The following MGRN1 variants were observed in gnomAD, a reference collection of about 807,000 sequenced individuals.
MGRN1 encodes the protein mahogunin ring finger 1.
MGRN1 carries 29 observed loss-of-function variants against 69.2 expected under a neutral mutation model. The ratio of observed to expected loss-of-function variants is 0.42; its 90% confidence interval spans 0.31 to 0.57. The LOEUF is 0.57. Ranked by LOEUF, MGRN1 falls within the 20% of genes least tolerant of loss-of-function variation. MGRN1 has a pLI of 0.15. For missense variants in MGRN1, 998 were observed against 796.2 expected, an observed-to-expected ratio of 1.25 and a Z score of -3.05; for synonymous variants, 470 against 344.2, an observed-to-expected ratio of 1.37 and a Z score of -4.04.
chr16:4,673,754 TGGCTA>T (rs1490568558), intron 10 of MGRN1, 97 bp downstream of exon 10: 1 of 1,430,884 alleles, frequency 7.0e-7, no homozygotes, highest in African/African-American at 1.4e-5. Context: ...GGTCCGTTGA[TGGCTA>T]AGAAAGAAGA....
chr16:4,672,903 A>G (rs541772987), intron 9 of MGRN1, among the ~76,000 whole-genome samples: 17 of 152,244 alleles, frequency 1.1e-4, no homozygotes, highest in African/African-American at 3.6e-4. Flanking sequence ...AGTGGCAGCC[A>G]TCTTGGCCCA....
At chr16:4,636,773 C>T (rs1025588283) in intron 1 of MGRN1, among the ~76,000 whole-genome samples, 2 of 151,972 alleles carry the variant, frequency 1.3e-5, no homozygotes, top group African/African-American at 4.8e-5. Flanking sequence ...GCGAATTGGC[C>T]ATCTGTTTCT....
At chr16:4,663,628 C>G (rs1226372546) in intron 5 of MGRN1, among the ~76,000 whole-genome samples, 1 of 152,204 alleles carries the variant, frequency 6.6e-6, no homozygotes, top group Admixed American at 6.5e-5. Context: ...TCCCTGCCCT[C>G]TATGGAGGGA....
intron 6 of MGRN1, 82 bp downstream of exon 6, chr16:4,664,857 A>G (rs367721025): frequency 6.4e-7 from 1 of 1,556,994 alleles, no homozygotes. Context: ...TGCTTGCAGC[A>G]GTGATGAAGC....
At chr16:4,658,249 T>A (rs577177019) in intron 5 of MGRN1, among the ~76,000 whole-genome samples, 18 of 151,066 alleles carry the variant, frequency 1.2e-4, no homozygotes, top group African/African-American at 4.1e-4. Flanking sequence ...GTACAGACCT[T>A]GTGTGGCCGG....
At chr16:4,671,501 C>G (rs1486763364) in intron 9 of MGRN1, 42 bp downstream of exon 9, 1 of 1,594,060 alleles carries the variant, frequency 6.3e-7, no homozygotes, top group African/African-American at 1.3e-5. Flanking sequence ...TTACAGAAGC[C>G]CACACCAGGA....
chr16:4,687,388 T>TA, intron 16 of MGRN1: 4 of 920,798 alleles, frequency 4.3e-6, no homozygotes, highest in Non-Finnish European at 5.2e-6. Flanking sequence ...CTATGAAAAA[T>TA]AAAAAATTGG....
At chr16:4,625,679 A>C (rs987830322) in intron 1 of MGRN1, among the ~76,000 whole-genome samples, 1 of 152,216 alleles carries the variant, frequency 6.6e-6, no homozygotes, top group Non-Finnish European at 1.5e-5. Context: ...AGTGACTGCC[A>C]AGATCTCAGC....
chr16:4,646,914 C>G (rs2078286503), intron 1 of MGRN1, among the ~76,000 whole-genome samples: 1 of 152,046 alleles, frequency 6.6e-6, no homozygotes, highest in African/African-American at 2.4e-5. Flanking sequence ...AGTGCCTCGG[C>G]CTGGAAGGCC....
At chr16:4,632,447 G>A (rs771040378) in intron 1 of MGRN1, among the ~76,000 whole-genome samples, 5 of 151,924 alleles carry the variant, frequency 3.3e-5, no homozygotes, top group African/African-American at 7.3e-5. Context: ...AGGCTGGAGT[G>A]CAGTGGCGCA....
rs1004621537 is a variant in MGRN1, at chr16:4,652,384, C to T, written c.297-294C>T. ...GGCCCCCCCACAGACAGGAATGACC[C>T]AGCACCAGATTTCAGCAGGTTCAGA... On this transcript the variant is annotated intron_variant, in intron 3 of 16. Transcript: ENST00000262370. Among the ~76,000 whole-genome samples, 5 of 152,038 alleles carry T rather than the reference C, an allele frequency of 3.3e-5. No homozygotes were observed. In the East Asian group the frequency reaches 7.7e-4, roughly 23 times the overall value.
chr16:4,667,215 C>A (rs562551209), intron 7 of MGRN1, among the ~76,000 whole-genome samples: 45 of 152,368 alleles, frequency 3.0e-4, no homozygotes, highest in Non-Finnish European at 5.7e-4. Context: ...CCCCTGAGAG[C>A]TCTAAGTGCA....
chr16:4,660,413 G>T (rs1010994438), intron 5 of MGRN1, among the ~76,000 whole-genome samples: 1 of 152,238 alleles, frequency 6.6e-6, no homozygotes, highest in Non-Finnish European at 1.5e-5. Flanking sequence ...CATCTTGCAC[G>T]CCTCCCCAGA....
intron 16 of MGRN1, chr16:4,688,470 G>A (rs1401547711): frequency 1.8e-6 from 2 of 1,125,538 alleles, no homozygotes; most frequent in South Asian, 3.8e-5. Flanking sequence ...CACATCCCAG[G>A]AAACCGGAAC....
chr16:4,669,970 C>G (rs1344031474), intron 8 of MGRN1, among the ~76,000 whole-genome samples: 1 of 132,472 alleles, frequency 7.5e-6, no homozygotes, highest in African/African-American at 2.5e-5. Flanking sequence ...TCCGTGTGTA[C>G]TGTTGGGGCG....
chr16:4,636,749 G>C (rs897222150), intron 1 of MGRN1, among the ~76,000 whole-genome samples: 2 of 152,110 alleles, frequency 1.3e-5, no homozygotes, highest in Admixed American at 1.3e-4. Flanking sequence ...GTGAGGTTGA[G>C]CGCCTTTCTC....
At chr16:4,670,218 A>G (rs2141943076) in intron 8 of MGRN1, among the ~76,000 whole-genome samples, 1 of 152,004 alleles carries the variant, frequency 6.6e-6, no homozygotes, top group East Asian at 1.9e-4. Context: ...GTGCGCCACC[A>G]CAGTTGGTTA....
At chr16:4,687,142 G>T (rs909091362) in intron 16 of MGRN1, 8 of 985,424 alleles carry the variant, frequency 8.1e-6, no homozygotes, top group Non-Finnish European at 9.6e-6. Flanking sequence ...GTCCCTCCCA[G>T]TACTGGAACC....
intron 10 of MGRN1, among the ~76,000 whole-genome samples, chr16:4,675,330 C>T (rs965223994): frequency 2.0e-5 from 3 of 152,090 alleles, no homozygotes; most frequent in Non-Finnish European, 2.9e-5. Flanking sequence ...AGCCTGGTCT[C>T]GAACTCTTGG....
Sources: gnomAD v4.1 joint callset for allele counts (sites outside exome capture counted in the v4.1 genomes callset) on GRCh38, gnomAD v4.1.1 for gene constraint, MANE v1.5 for transcripts, NCBI Gene and HGNC (gene_info 2026-07-23, HGNC 2026-07-21) for gene names.